UPP2: variants seen among roughly 807,000 people sequenced by gnomAD.
The protein encoded by UPP2 is uridine phosphorylase 2.
UPP2 carries 23 observed loss-of-function variants against 26.7 expected under a neutral mutation model. The ratio of observed to expected loss-of-function variants is 0.86; its 90% CI spans 0.62 to 1.22. UPP2 has a LOEUF of 1.22. Ranked by LOEUF, UPP2 falls within the 50% of genes most tolerant of loss-of-function variation. The pLI is 0.00. For missense variants in UPP2, 387 were observed against 396.7 expected (o/e 0.98, Z 0.21); for synonymous variants, 127 against 141.3 (o/e 0.90, Z 0.72).
chr2:158,006,212 C>T (rs1359901974), intron 2 of UPP2, among the ~76,000 whole-genome samples: 1 of 152,244 alleles, frequency 6.6e-6, no homozygotes, highest in East Asian at 1.9e-4. Flanking sequence ...GTAATCCCAG[C>T]ACTTTGGGAG....
At position 158,123,827 on chromosome 2, in the gene UPP2, C is replaced by A. The variant is rs1280878671; in HGVS notation, c.743C>A (p.Ala248Asp). The A allele has an allele frequency of 6.2e-7, 1 of 1,613,960 alleles. No individual in the cohort carries two copies. The highest frequency in any genetic ancestry group is 8.5e-7 in the Non-Finnish European group (1 of 1,179,954). The part of the protein sequence containing the change: ...KLDYLKRAFK[A>D]GVRNIEMEST... ...GACTACTTGAAGAGAGCATTTAAAGCTGGTGTCAGGAATATTGAAATGGAA... is the reference window on the plus strand; with the variant it reads ...GACTACTTGAAGAGAGCATTTAAAGATGGTGTCAGGAATATTGAAATGGAA... The change falls in exon 6 of 7, where the codon GCT becomes GAT. Residue 248 changes from alanine to aspartate, a missense_variant. Transcript: ENST00000005756.
chr2:158,111,370 C>T (rs1338316622), intron 2 of UPP2, among the ~76,000 whole-genome samples: 2 of 152,092 alleles, frequency 1.3e-5, no homozygotes, highest in African/African-American at 2.4e-5. Flanking sequence ...ATTTTCTTTG[C>T]TCTGAAGCCT....
At chr2:158,119,880 A>T (rs1683526010) in intron 4 of UPP2, among the ~76,000 whole-genome samples, 1 of 151,650 alleles carries the variant, frequency 6.6e-6, no homozygotes, top group Non-Finnish European at 1.5e-5. Context: ...GTGTGGGTGT[A>T]TGTGCCTGTA....
chr2:158,084,598 G>A (rs1338875138), intron 3 of UPP2, among the ~76,000 whole-genome samples: 1 of 152,068 alleles, frequency 6.6e-6, no homozygotes, highest in Non-Finnish European at 1.5e-5. Context: ...TTTTTCTGAT[G>A]TTATCTTCTA....
Position 158,121,469 on chromosome 2 carries a change from G to C in UPP2, c.515G>C (p.Arg172Pro). The change falls in exon 5 of 7, where the codon CGG becomes CCG. Residue 172 changes from arginine to proline, a missense_variant. Arg to Pro is a moderately radical substitution (Grantham distance 103, BLOSUM62 -2). Coordinates refer to ENST00000005756, the MANE Select transcript of UPP2 (RefSeq NM_173355.4). ...DIAVDSFFKP[R>P]FEQVILDNIV... ...GCTGTAGACTCCTTCTTTAAGCCCCGGTTTGAACAGGTCATTTTGGACAAC... is the reference window on the plus strand; with the variant it reads ...GCTGTAGACTCCTTCTTTAAGCCCCCGTTTGAACAGGTCATTTTGGACAAC... 6.2e-7 allele frequency: 1 copy of C among 1,613,422 alleles called. No individual in the cohort carries two copies. The highest frequency in any genetic ancestry group is 2.2e-5 in the East Asian group (1 of 44,858).
At chr2:158,073,874 C>A (rs962142951) in intron 3 of UPP2, among the ~76,000 whole-genome samples, 1 of 152,152 alleles carries the variant, frequency 6.6e-6, no homozygotes, top group African/African-American at 2.4e-5. Flanking sequence ...TGCCAACAAA[C>A]AAGAAGAAAT....
At chr2:158,026,085 C>T (rs1397678417) in intron 3 of UPP2, among the ~76,000 whole-genome samples, 1 of 152,068 alleles carries the variant, frequency 6.6e-6, no homozygotes, top group East Asian at 1.9e-4. Flanking sequence ...TATCTCCCGT[C>T]GTGCTCTTTG....
At chr2:158,025,942 CG>C (rs1683826649) in intron 3 of UPP2, among the ~76,000 whole-genome samples, 2 of 152,086 alleles carry the variant, frequency 1.3e-5, no homozygotes, top group South Asian at 4.2e-4. Flanking sequence ...ATTTCAGCTT[CG>C]TCTGGAAGAA....
rs573388704 is a variant in UPP2 at position 158,030,288 on chromosome 2, G to T, written c.147+14402G>T. The stretch of plus-strand genomic sequence containing the variant: ...TTAAGCATTATTTTAGGTAGTACAT[G>T]ATTTTTAATATCAACAAGTAATTTA... On this transcript the variant is annotated intron_variant, in intron 3 of 9. Transcript: ENST00000605860. Among the ~76,000 whole-genome samples, 22 of 152,260 alleles carry T rather than the reference G, an allele frequency of 1.4e-4. No individual in the cohort carries two copies. The South Asian group carries it at 4.4e-3, about 30-fold the overall frequency.
intron 2 of UPP2, among the ~76,000 whole-genome samples, chr2:158,013,170 A>AT: frequency 6.6e-6 from 1 of 152,174 alleles, no homozygotes; most frequent in South Asian, 2.1e-4. Flanking sequence ...AAAAAGTTTT[A>AT]TTTTTTGTGG....
intron 3 of UPP2, among the ~76,000 whole-genome samples, chr2:158,031,358 A>C (rs892577506): frequency 6.6e-6 from 1 of 152,214 alleles, no homozygotes; most frequent in African/African-American, 2.4e-5. Context: ...AAACCTACGT[A>C]AGGCATTGCT....
intron 3 of UPP2, among the ~76,000 whole-genome samples, chr2:158,027,954 A>T (rs1238443383): frequency 6.6e-6 from 1 of 152,182 alleles, no homozygotes; most frequent in Non-Finnish European, 1.5e-5. Flanking sequence ...GCAGGGCACC[A>T]AGTCCCTGGG....
Position 158,115,145 on chromosome 2 carries a change from A to C in UPP2, c.225A>C (p.Ala75=), listed in dbSNP as rs1163804465. Residue 75 remains alanine, a synonymous_variant, in exon 3 of 7, where the codon GCA becomes GCC. Coordinates refer to ENST00000005756, the MANE Select transcript of UPP2 (RefSeq NM_173355.4). The part of the protein sequence containing the change: ...GGSPNRMKAF[A]LFMHKELGFE... ...GCCCCAACAGAATGAAAGCATTTGC[A>C]CTGTTTATGCACAAGGAGCTCGGGT... 6.2e-7 allele frequency: 1 copy of C among 1,613,470 alleles called. No individual in the cohort carries two copies. Among genetic ancestry groups the C allele is most frequent in the African/African-American group, 1.3e-5 (1 of 74,982 alleles).
intron 3 of UPP2, among the ~76,000 whole-genome samples, chr2:158,093,144 C>T (rs1193335118): frequency 6.6e-6 from 1 of 152,060 alleles, no homozygotes; most frequent in Non-Finnish European, 1.5e-5. Context: ...TGGTCTCAAA[C>T]TCCTGACGTC....
intron 6 of UPP2, among the ~76,000 whole-genome samples, chr2:158,124,714 C>A (rs1355339255): frequency 1.3e-5 from 2 of 152,070 alleles, no homozygotes; most frequent in African/African-American, 4.8e-5. Flanking sequence ...GAAGACAAAC[C>A]CAACAACATT....
At chr2:158,119,155 A>C (rs1293589963) in intron 4 of UPP2, among the ~76,000 whole-genome samples, 1 of 152,094 alleles carries the variant, frequency 6.6e-6, no homozygotes, top group African/African-American at 2.4e-5. Flanking sequence ...GTGGGTTACA[A>C]GGATCTGCCT....
chr2:158,062,683 T>G (rs16842523), intron 3 of UPP2, among the ~76,000 whole-genome samples: 12,884 of 152,220 alleles, frequency 0.085, 1,167 homozygotes, highest in African/African-American at 0.22. Flanking sequence ...AATTCCCTCC[T>G]TTTTCATGTG....
rs1683908921 is a variant in UPP2 at position 158,135,212 on chromosome 2, G to A, written c.*322G>A. 5.5e-6 allele frequency: 1 copy of A among 181,400 alleles called. No homozygotes were observed. Among genetic ancestry groups the A allele is most frequent in the Admixed American group, 6.2e-5 (1 of 16,104 alleles). The allele number at this position is 181,400 out of a possible 1,614,324, so 11.2% of individuals were successfully genotyped here. A position where few individuals can be genotyped will look rare whatever the true frequency, so the allele number is the denominator to read the frequency against. On this transcript the variant is annotated 3_prime_UTR_variant, in exon 7 of 7. Transcript: ENST00000005756. ...AAAATAGACCAGCCATTTGCACATA[G>A]TTACCAGTCACTCTGTTTCTGAAAC...
At chr2:158,052,737 A>G (rs558631833) in intron 3 of UPP2, among the ~76,000 whole-genome samples, 25 of 152,286 alleles carry the variant, frequency 1.6e-4, no homozygotes, top group African/African-American at 5.5e-4. Flanking sequence ...CGTCATCATC[A>G]TCTTCATCAT....
Sources: allele counts gnomAD v4.1 joint callset (sites outside exome capture counted in the v4.1 genomes callset), GRCh38; gene constraint gnomAD v4.1.1; transcripts MANE v1.5; gene names NCBI Gene and HGNC (gene_info 2026-07-23, HGNC 2026-07-21).